NHSL2: variants seen among roughly 807,000 people sequenced by gnomAD.
The protein encoded by NHSL2 is NHS like 2, also known as NHS-like protein 2.
NHSL2 carries 27 observed loss-of-function variants against 53.4 expected under a neutral mutation model. That is an observed-to-expected ratio of 0.51 (90% CI 0.37 to 0.70). The LOEUF (loss-of-function observed/expected upper bound fraction) is 0.70. NHSL2 is among the 30% of genes least tolerant of loss of function. NHSL2 has a pLI of 0.00. For missense variants in NHSL2, 892 were observed against 980.1 expected, an observed-to-expected ratio of 0.91 and a Z score of 1.20; for synonymous variants, 408 against 404.1, an observed-to-expected ratio of 1.01 and a Z score of -0.12.
At chrX:72,069,782 G>C in intron 1 of NHSL2, 1 of 821,521 alleles carries the variant, frequency 1.2e-6, no homozygotes, top group Non-Finnish European at 1.5e-6. Context: ...TCCTTTTCCG[G>C]GGCTCCTACA....
chrX:71,923,520 C>T (rs1203744950), intron 1 of NHSL2, among the ~76,000 whole-genome samples: 1 of 112,217 alleles, frequency 8.9e-6, no homozygotes, highest in Non-Finnish European at 1.9e-5. Flanking sequence ...ATAAGTGGTC[C>T]TGTAGTGCCA....
chrX:72,140,776 G>A lies in NHSL2; in HGVS notation c.3223+5G>A. 8.7e-7 allele frequency: 1 copy of A among 1,155,897 alleles called. No homozygotes were observed. The highest frequency in any genetic ancestry group is 1.2e-6 in the Non-Finnish European group (1 of 866,011). Reference sequence around the variant, plus strand: ...AAAGGGAGGCAAGCCCTCTGGGTTAGTAAACTGTCTGCTGGCTTTTTCCTT... The same window carrying A: ...AAAGGGAGGCAAGCCCTCTGGGTTAATAAACTGTCTGCTGGCTTTTTCCTT... On this transcript the variant is annotated splice_donor_5th_base_variant and intron_variant, in intron 6 of 7. Transcript: ENST00000633930.
At chrX:72,127,272 T>G in intron 1 of NHSL2, 1 of 86,827 alleles carries the variant, frequency 1.2e-5, no homozygotes, top group East Asian at 4.6e-4. Flanking sequence ...CCTGCATGCA[T>G]CCCCTCCCCC....
At chrX:72,009,805 A>G (rs2042108678) in intron 1 of NHSL2, among the ~76,000 whole-genome samples, 1 of 112,850 alleles carries the variant, frequency 8.9e-6, no homozygotes, top group Non-Finnish European at 1.9e-5. Flanking sequence ...TGCCTAGGAC[A>G]GGACCTGGCA....
At chrX:72,057,199 G>A (rs1481966067) in intron 1 of NHSL2, among the ~76,000 whole-genome samples, 1 of 111,944 alleles carries the variant, frequency 8.9e-6, no homozygotes, top group African/African-American at 3.3e-5. Context: ...TGCATTCAAG[G>A]GCACAGTTAA....
intron 1 of NHSL2, among the ~76,000 whole-genome samples, chrX:72,008,167 T>C (rs896531366): frequency 1.8e-5 from 2 of 112,714 alleles, no homozygotes; most frequent in African/African-American, 3.2e-5. Flanking sequence ...CCCAGGAAAA[T>C]TATAAAATCT....
rs1249722988 is a variant in NHSL2 at position 72,140,517 on chromosome X, A to G, written c.2969A>G (p.Gln990Arg). 4 of 1,211,489 alleles carry G rather than the reference A, an allele frequency of 3.3e-6. No individual in the cohort carries two copies. The South Asian group carries it at 7.0e-5, about 21-fold the overall frequency. ...VLPERISLQS[Q>R]EEAEKKKGKI... The stretch of plus-strand genomic sequence containing the variant: ...CCTGAAAGAATTAGCCTCCAGAGCC[A>G]GGAAGAAGCTGAGAAAAAGAAAGGC... Residue 990 changes from glutamine to arginine, a missense_variant, in exon 6 of 8, where the codon CAG becomes CGG. Coordinates refer to ENST00000633930, the MANE Select transcript of NHSL2 (RefSeq NM_001013627.3).
chrX:71,934,468 T>C (rs1474205602), intron 1 of NHSL2, among the ~76,000 whole-genome samples: 1 of 112,342 alleles, frequency 8.9e-6, no homozygotes, highest in African/African-American at 3.2e-5. Context: ...AACTGTCCGA[T>C]GTGGATTGAT....
At chrX:72,126,473 A>G (rs942876501) in intron 1 of NHSL2, among the ~76,000 whole-genome samples, 7 of 111,503 alleles carry the variant, frequency 6.3e-5, no homozygotes, top group Non-Finnish European at 1.3e-4. Flanking sequence ...TCCCCCCAGG[A>G]TATCATTATC....
At position 72,144,424 on chromosome X, in the gene NHSL2, T is replaced by C; in HGVS notation, c.*850T>C. On this transcript the variant is annotated 3_prime_UTR_variant, in exon 8 of 8. Transcript: ENST00000633930. ...TCTGTCAACAGCGATAGGCAGGATC[T>C]GCGCCCAGCTCATGCTGCATTCTAA... is the stretch of plus-strand genomic sequence containing the variant. 4.2e-6 allele frequency: 3 copies of C among 714,564 alleles called. No homozygotes were observed. The highest frequency in any genetic ancestry group is 6.1e-6 in the Non-Finnish European group (3 of 495,361). The allele number at this position is 714,564 out of a possible 1,213,427, so 58.9% of individuals were successfully genotyped here.
chrX:71,911,233 C>T lies in NHSL2; in HGVS notation c.146C>T (p.Ala49Val). 8.7e-7 allele frequency: 1 copy of T among 1,149,359 alleles called. No homozygotes were observed. The highest frequency in any genetic ancestry group is 1.1e-6 in the Non-Finnish European group (1 of 869,617). The allele number at this position is 1,149,359 out of a possible 1,213,427, so 94.7% of individuals were successfully genotyped here. A position where few individuals can be genotyped will look rare whatever the true frequency, so the allele number is the denominator to read the frequency against. Residue 49 changes from alanine (A) to valine (V), a missense_variant, in exon 1 of 8, where the codon GCT (alanine) becomes GTT (valine). Transcript: ENST00000633930. The stretch of plus-strand genomic sequence containing the variant: ...GCCGACCTCTGTGGCCACTCGTTGG[C>T]TCTGCTCGAGGACCTCGAGGGGCAC... Reference protein sequence around the residue: ...QLADLCGHSLALLEDLEGHLL... With the variant: ...QLADLCGHSLVLLEDLEGHLL...
At position 72,139,013 on chromosome X, in the gene NHSL2, G is replaced by A. The variant is rs759384575; in HGVS notation, c.1465G>A (p.Gly489Ser). The A allele has an allele frequency of 3.7e-5, 43 of 1,176,461 alleles. No individual in the cohort carries two copies. The highest frequency in any genetic ancestry group is 2.1e-4 in the African/African-American group (12 of 56,391). Reference protein sequence around the residue: ...SGTSRLETGPGGASRFRERSL... With the variant: ...SGTSRLETGPSGASRFRERSL... ...GACCTCGAGGCTGGAGACAGGCCCCGGTGGGGCCAGCAGATTCCGGGAGCG... is the reference window on the plus strand; with the variant it reads ...GACCTCGAGGCTGGAGACAGGCCCCAGTGGGGCCAGCAGATTCCGGGAGCG... The change falls in exon 6 of 8, where the codon GGT becomes AGT. Residue 489 changes from glycine (G) to serine (S), a missense_variant. Physicochemically the swap from Gly to Ser is moderately conservative, Grantham distance 56. Transcript: ENST00000633930.
chrX:72,054,113 A>C (rs969584635), intron 1 of NHSL2, among the ~76,000 whole-genome samples: 2 of 111,530 alleles, frequency 1.8e-5, no homozygotes, highest in African/African-American at 6.5e-5. Context: ...TGTAGGTGCC[A>C]GGGATACTCC....
chrX:71,988,772 TTCTTG>T (rs1462660847), intron 1 of NHSL2, among the ~76,000 whole-genome samples: 2 of 110,795 alleles, frequency 1.8e-5, no homozygotes, highest in Admixed American at 1.9e-4. Flanking sequence ...CAAGAGAGAG[TTCTTG>T]GATCTCGCGC....
rs1457514405 is a variant in NHSL2, at chrX:72,001,105, T to C, written c.280+89738T>C. On this transcript the variant is annotated intron_variant, in intron 1 of 7. Coordinates refer to ENST00000633930, the MANE Select transcript of NHSL2 (RefSeq NM_001013627.3). ...TGGAGTAAGATGCCCCTTTCAGTCA[T>C]TCACCCAGCCAGTCAGACAGCCTTG... Among the ~76,000 whole-genome samples the C allele has an allele frequency of 2.7e-5, 3 of 112,364 alleles. No homozygotes were observed. In the Admixed American group the frequency reaches 2.8e-4, roughly 11 times the overall value.
At chrX:72,120,895 T>C (rs1284809471) in intron 1 of NHSL2, among the ~76,000 whole-genome samples, 1 of 112,594 alleles carries the variant, frequency 8.9e-6, no homozygotes, top group African/African-American at 3.2e-5. Flanking sequence ...GCTGCAGCCC[T>C]TTTAGTATAT....
chrX:71,992,529 A>G (rs1323732508), intron 1 of NHSL2, among the ~76,000 whole-genome samples: 1 of 112,461 alleles, frequency 8.9e-6, no homozygotes, highest in Non-Finnish European at 1.9e-5. Context: ...TTAGGAACTC[A>G]GGGAGACAAA....
At chrX:72,021,605 C>G (rs1050534756) in intron 1 of NHSL2, among the ~76,000 whole-genome samples, 1 of 111,615 alleles carries the variant, frequency 9.0e-6, no homozygotes, top group Non-Finnish European at 1.9e-5. Flanking sequence ...AGATACGAAT[C>G]CACATCTCTT....
intron 1 of NHSL2, among the ~76,000 whole-genome samples, chrX:71,979,030 C>T (rs1483410773): frequency 2.0e-4 from 21 of 107,134 alleles, no homozygotes; most frequent in Middle Eastern, 4.8e-3. Flanking sequence ...TTTGTCCTTG[C>T]GATAGTTTGC....
Sources: allele counts gnomAD v4.1 joint callset (sites outside exome capture counted in the v4.1 genomes callset), GRCh38; gene constraint gnomAD v4.1.1; transcripts MANE v1.5; gene names NCBI Gene and HGNC (gene_info 2026-07-23, HGNC 2026-07-21).